TANC1: variants seen among roughly 807,000 people sequenced by gnomAD.
TANC1 encodes tetratricopeptide repeat, ankyrin repeat and coiled-coil containing 1.
A neutral mutation model predicts 149.7 loss-of-function variants in TANC1; 77 were observed. The ratio of observed to expected loss-of-function variants is 0.51; its 90% CI spans 0.43 to 0.62. The LOEUF is 0.62. TANC1 is among the 20% of genes least tolerant of loss of function. The probability of loss-of-function intolerance (pLI) is 0.00; values close to 1 mark genes in which losing one functional copy is unlikely to be tolerated. For synonymous variants in TANC1, 854 were observed against 925.0 expected (o/e 0.92, Z 1.39); for missense variants, 1,985 against 2,321.8 (o/e 0.85, Z 2.98).
At chr2:159,052,412 C>T (rs1403067395) in intron 2 of TANC1, among the ~76,000 whole-genome samples, 1 of 152,098 alleles carries the variant, frequency 6.6e-6, no homozygotes, top group Non-Finnish European at 1.5e-5. Context: ...GACATACTCG[C>T]TCCTGCTAAT....
intron 8 of TANC1, among the ~76,000 whole-genome samples, chr2:159,166,865 C>A (rs768046386): frequency 6.6e-6 from 1 of 152,160 alleles, no homozygotes; most frequent in Non-Finnish European, 1.5e-5. Flanking sequence ...GCTTTCAGCT[C>A]GGCTTAATCG....
intron 3 of TANC1, among the ~76,000 whole-genome samples, chr2:159,079,164 C>A (rs2043995245): frequency 6.6e-6 from 1 of 151,710 alleles, no homozygotes; most frequent in Non-Finnish European, 1.5e-5. Flanking sequence ...AAAAGTGAAT[C>A]TTTTGGAGAA....
chr2:159,202,045 G>C, intron 19 of TANC1, among the ~76,000 whole-genome samples: 1 of 152,220 alleles, frequency 6.6e-6, no homozygotes, highest in Non-Finnish European at 1.5e-5. Context: ...TTGCAATTCA[G>C]TGAATCTATT....
chr2:159,207,697 C>CAG (rs2058704545), intron 19 of TANC1, among the ~76,000 whole-genome samples: 1 of 49,434 alleles, frequency 2.0e-5, no homozygotes, highest in Non-Finnish European at 3.0e-5. Flanking sequence ...ACACGTGTCT[C>CAG]AAAAAAAAAA....
Position 159,056,771 on chromosome 2 carries a change from G to T in TANC1, c.-15-9125G>T. 8.7e-6 allele frequency: 3 copies of T among 344,478 alleles called. No individual in the cohort carries two copies. The South Asian group carries it at 9.1e-5, about 10-fold the overall frequency. 21.3% of individuals were successfully genotyped at this position (344,478 alleles called of 1,614,324 possible). A position where few individuals can be genotyped will look rare whatever the true frequency, so the allele number is the denominator to read the frequency against. On this transcript the variant is annotated intron_variant, in intron 2 of 26. Transcript: ENST00000263635. ...AGCACAAGATGGCATTGCTCTGGGT[G>T]ACCTTGTTCTTCCCGTCCATGAAGT...
chr2:158,975,833 C>CT lies in TANC1; in HGVS notation c.-126+7069dup, dbSNP rs34605981. ...ATTTTCGTTATTGTTTCTTTCTTAT[C>CT]TTTTTTTTTTTTTTTTTTAAGCTAG... is the stretch of plus-strand genomic sequence containing the variant. On this transcript the variant is annotated intron_variant, in intron 1 of 26. Coordinates refer to ENST00000263635, the MANE Select transcript of TANC1 (RefSeq NM_033394.3). Among the ~76,000 whole-genome samples, 810 of 140,204 alleles carry CT rather than the reference C, an allele frequency of 5.8e-3. 11 individuals carry two copies. Among genetic ancestry groups the CT allele is most frequent in the African/African-American group, 0.018 (669 of 38,042 alleles). 92.0% of individuals were successfully genotyped at this position (140,204 alleles called of 152,430 possible).
At chr2:158,995,210 A>T (rs1033307103) in intron 1 of TANC1, among the ~76,000 whole-genome samples, 3 of 152,160 alleles carry the variant, frequency 2.0e-5, no homozygotes, top group Non-Finnish European at 4.4e-5. Flanking sequence ...CTGTATTTAC[A>T]TATGTGATCT....
intron 3 of TANC1, among the ~76,000 whole-genome samples, chr2:159,077,225 T>C (rs2043790589): frequency 6.6e-6 from 1 of 152,184 alleles, no homozygotes; most frequent in Non-Finnish European, 1.5e-5. Flanking sequence ...CCTGGCTAAC[T>C]TTTAAATTTT....
At chr2:159,059,435 A>G (rs1476316296) in intron 2 of TANC1, among the ~76,000 whole-genome samples, 2 of 152,040 alleles carry the variant, frequency 1.3e-5, no homozygotes, top group African/African-American at 4.8e-5. Context: ...TGAGAAGACA[A>G]GACTGCAGTG....
At chr2:159,191,831 G>A (rs1366554873) in intron 16 of TANC1, among the ~76,000 whole-genome samples, 1 of 151,964 alleles carries the variant, frequency 6.6e-6, no homozygotes, top group Non-Finnish European at 1.5e-5. Context: ...TGATCCCCAT[G>A]TGTCTCTAGT....
At chr2:159,019,360 A>G (rs2038586983) in intron 2 of TANC1, among the ~76,000 whole-genome samples, 1 of 152,232 alleles carries the variant, frequency 6.6e-6, no homozygotes, top group South Asian at 2.1e-4. Flanking sequence ...CAGGCATGAT[A>G]CTGCTGGCAC....
intron 4 of TANC1, among the ~76,000 whole-genome samples, chr2:159,124,201 T>G (rs966714395): frequency 6.6e-6 from 1 of 151,942 alleles, no homozygotes; most frequent in South Asian, 2.1e-4. Flanking sequence ...CTACTAAAAA[T>G]ACAAAAATTA....
rs561321167 is a variant in TANC1 at position 159,193,564 on chromosome 2, C to T, written c.2743-693C>T. Among the ~76,000 whole-genome samples, 26 of 152,230 alleles carry T rather than the reference C, an allele frequency of 1.7e-4. No individual in the cohort carries two copies. The South Asian group carries it at 5.4e-3, about 32-fold the overall frequency. Reference sequence around the variant, plus strand: ...TTTTTGAGACTGAGTCTCACTCTGTCGCCAGGCTGGAGTGCAGTGGTGCAA... The same window carrying T: ...TTTTTGAGACTGAGTCTCACTCTGTTGCCAGGCTGGAGTGCAGTGGTGCAA... On this transcript the variant is annotated intron_variant, in intron 16 of 26. Coordinates refer to ENST00000263635, the MANE Select transcript of TANC1 (RefSeq NM_033394.3).
At chr2:158,989,627 A>G (rs908053624) in intron 1 of TANC1, among the ~76,000 whole-genome samples, 1 of 151,748 alleles carries the variant, frequency 6.6e-6, no homozygotes, top group Admixed American at 6.6e-5. Flanking sequence ...AAAAAAAAAA[A>G]AGAATCTTTT....
rs1051352994 is a variant in TANC1, at chr2:159,206,806, G to C, written c.3244+7753G>C. On this transcript the variant is annotated intron_variant, in intron 19 of 26. Transcript: ENST00000263635. ...CACTGAGACCTCATGTGGTGTCCTG[G>C]CATGTAATGAAGTCCTCAGCACAAG... Among the ~76,000 whole-genome samples, 7 of 152,216 alleles carry C rather than the reference G, an allele frequency of 4.6e-5. No homozygotes were observed. The East Asian group carries it at 1.4e-3, about 29-fold the overall frequency.
At chr2:159,038,279 T>C (rs904559156) in intron 2 of TANC1, among the ~76,000 whole-genome samples, 4 of 152,248 alleles carry the variant, frequency 2.6e-5, no homozygotes, top group African/African-American at 7.2e-5. Flanking sequence ...TTTCTAAATA[T>C]ACACTCATGT....
chr2:159,130,453 A>T (rs1321355293), intron 4 of TANC1, among the ~76,000 whole-genome samples: 1 of 152,156 alleles, frequency 6.6e-6, no homozygotes, highest in Non-Finnish European at 1.5e-5. Flanking sequence ...ATCTCTGTTG[A>T]TAAGGACTGT....
chr2:159,077,086 T>C (rs976485470), intron 3 of TANC1, among the ~76,000 whole-genome samples: 2 of 152,014 alleles, frequency 1.3e-5, no homozygotes, highest in Non-Finnish European at 2.9e-5. Context: ...GTAGACAGGG[T>C]CTTGCTTTGT....
At chr2:159,038,959 G>A (rs2040412896) in intron 2 of TANC1, among the ~76,000 whole-genome samples, 1 of 152,166 alleles carries the variant, frequency 6.6e-6, no homozygotes, top group Admixed American at 6.5e-5. Flanking sequence ...GGTAGAATTT[G>A]ACTGTGAATC....
Sources: gnomAD v4.1 joint callset for allele counts (sites outside exome capture counted in the v4.1 genomes callset) on GRCh38, gnomAD v4.1.1 for gene constraint, MANE v1.5 for transcripts, NCBI Gene and HGNC (gene_info 2026-07-23, HGNC 2026-07-21) for gene names.